Variants in FMN1 observed in about 807,000 individuals in gnomAD.
FMN1 encodes the protein formin-1.
Under a neutral mutation model 132.4 loss-of-function variants are expected in FMN1, and 110 were observed. That is an observed-to-expected ratio of 0.83 (90% CI 0.71 to 0.97). The LOEUF is 0.97. Among genes scored for constraint, FMN1 ranks in the 50% least tolerant of loss-of-function variants. The pLI, the probability that FMN1 is intolerant of heterozygous loss-of-function variation, is 0.00. For missense variants in FMN1, 1,792 were observed against 1,705.3 expected (o/e 1.05, Z -0.90); for synonymous variants, 722 against 651.7 (o/e 1.11, Z -1.64).
At chr15:32,938,436 T>G (rs553570851) in intron 9 of FMN1, among the ~76,000 whole-genome samples, 1 of 152,136 alleles carries the variant, frequency 6.6e-6, no homozygotes, top group Non-Finnish European at 1.5e-5. Flanking sequence ...GGCTGAGGCA[T>G]GAGAATTGCT....
rs1276668599 is a variant in FMN1, at chr15:32,889,221, T to TA, written c.3715-930dup. Among the ~76,000 whole-genome samples the TA allele has an allele frequency of 5.9e-5, 9 of 152,322 alleles. No individual in the cohort carries two copies. The East Asian group carries it at 1.7e-3, about 29-fold the overall frequency. On this transcript the variant is annotated intron_variant, in intron 15 of 20. Transcript: ENST00000616417. ...TTTTAACAAGCTCCACTGCTATAGC[T>TA]AATGGAGAATTCTCAGCTGAGAAAC...
intron 7 of FMN1, 110 bp downstream of exon 7, chr15:33,007,904 C>G (rs189773253): frequency 2.4e-6 from 2 of 845,580 alleles, no homozygotes; most frequent in African/African-American, 3.4e-5. Flanking sequence ...CTGCAAGATG[C>G]GATGCTGTCT....
chr15:33,058,955 TA>T (rs1386278913), intron 6 of FMN1, among the ~76,000 whole-genome samples: 3 of 152,230 alleles, frequency 2.0e-5, no homozygotes, highest in Non-Finnish European at 4.4e-5. Context: ...TTTTTTACTA[TA>T]ATCACACTGC....
chr15:32,790,998 T>A (rs2057056582), intron 19 of FMN1, among the ~76,000 whole-genome samples: 1 of 152,246 alleles, frequency 6.6e-6, no homozygotes, highest in Admixed American at 6.5e-5. Flanking sequence ...GAACCTGGTT[T>A]CTGGAGGCAG....
At position 33,154,838 on chromosome 15, in the gene FMN1, T is replaced by C. The variant is rs1964608079; in HGVS notation, c.77A>G (p.Lys26Arg). Residue 26 changes from lysine to arginine, a missense_variant, in exon 4 of 21, where the codon AAG becomes AGG. Around this residue, in one of 3 missense-constraint regions of FMN1, gnomAD observed 638 missense variants for 645.2 expected, o/e 0.99. Coordinates refer to ENST00000616417, the MANE Select transcript of FMN1 (RefSeq NM_001277313.2). ...ELCYISFCLPKGEVRGFSYKG... is the reference protein window; with the variant it reads ...ELCYISFCLPRGEVRGFSYKG... Reference sequence around the variant, plus strand: ...GTATGAAAATCCTCTGACTTCCCCCTTTGGAAGACAGAAGCTGATGTAGCA... The same window carrying C: ...GTATGAAAATCCTCTGACTTCCCCCCTTGGAAGACAGAAGCTGATGTAGCA... 1.3e-6 allele frequency: 2 copies of C among 1,536,060 alleles called. No homozygotes were observed. Among genetic ancestry groups the C allele is most frequent in the Non-Finnish European group, 1.7e-6 (2 of 1,146,904 alleles).
chr15:33,045,936 G>A (rs1195013628), intron 6 of FMN1, among the ~76,000 whole-genome samples: 3 of 152,178 alleles, frequency 2.0e-5, no homozygotes, highest in African/African-American at 7.2e-5. Flanking sequence ...TGGGATTACA[G>A]GCGTGAGCCA....
At chr15:33,027,214 G>C (rs758015224) in intron 6 of FMN1, among the ~76,000 whole-genome samples, 84 of 152,218 alleles carry the variant, frequency 5.5e-4, no homozygotes, top group Non-Finnish European at 7.5e-4. Flanking sequence ...CAGAAGCCTA[G>C]CCCATACCTC....
At position 32,961,195 on chromosome 15, in the gene FMN1, G is replaced by GCAATCTCAGCTCACTGCAA. The variant is rs796913085; in HGVS notation, c.3138+2893_3138+2911dup. 6.4e-3 allele frequency among the ~76,000 whole-genome samples: 966 copies of GCAATCTCAGCTCACTGCAA among 151,164 alleles called. 19 individuals carry two copies. Among genetic ancestry groups the GCAATCTCAGCTCACTGCAA allele is most frequent in the African/African-American group, 0.022 (922 of 41,130 alleles). On this transcript the variant is annotated intron_variant, in intron 9 of 20. Coordinates refer to ENST00000616417, the MANE Select transcript of FMN1 (RefSeq NM_001277313.2). ...GTTGCCCAGGCTGGGGTGCAATGCG[G>GCAATCTCAGCTCACTGCAA]CAATCTCAGCTCACTGCAACCTCTG...
intron 16 of FMN1, among the ~76,000 whole-genome samples, chr15:32,871,880 T>C (rs2059524103): frequency 6.6e-6 from 1 of 152,218 alleles, no homozygotes; most frequent in Admixed American, 6.5e-5. Context: ...ACATTGGAAG[T>C]GCAAAACTCT....
chr15:33,118,360 AG>A (rs2040008511), intron 4 of FMN1, among the ~76,000 whole-genome samples: 1 of 152,122 alleles, frequency 6.6e-6, no homozygotes, highest in Non-Finnish European at 1.5e-5. Context: ...AAAAATTCTC[AG>A]GGGCATACTA....
chr15:32,852,672 A>T (rs919267301), intron 17 of FMN1, among the ~76,000 whole-genome samples: 3 of 152,092 alleles, frequency 2.0e-5, no homozygotes, highest in East Asian at 3.8e-4. Context: ...CTTGTCCAAT[A>T]TTTTTTTATA....
intron 17 of FMN1, among the ~76,000 whole-genome samples, chr15:32,854,994 G>C (rs1164792392): frequency 2.6e-5 from 4 of 151,376 alleles, no homozygotes; most frequent in Non-Finnish European, 5.9e-5. Flanking sequence ...GATATTCCTT[G>C]GGACAGAGTG....
At chr15:32,842,792 T>C (rs2058773689) in intron 17 of FMN1, among the ~76,000 whole-genome samples, 1 of 151,518 alleles carries the variant, frequency 6.6e-6, no homozygotes, top group African/African-American at 2.4e-5. Context: ...CTCAGCTTTT[T>C]TTTTTTTTTT....
Position 32,956,372 on chromosome 15 carries a change from TA to T in FMN1, c.3138+7734del, listed in dbSNP as rs67741965. Among the ~76,000 whole-genome samples the T allele has an allele frequency of 7.4e-4, 112 of 151,036 alleles. 2 individuals are homozygous for T. The South Asian group carries it at 0.012, about 16-fold the overall frequency. ...AGTCCTAACCACTCTTTTTTTTTTTTAAAAAAATAAGCAAATAAAATAAACG... is the reference window on the plus strand; with the variant it reads ...AGTCCTAACCACTCTTTTTTTTTTTTAAAAAATAAGCAAATAAAATAAACG... On this transcript the variant is annotated intron_variant, in intron 9 of 20. Transcript: ENST00000616417.
Position 32,968,749 on chromosome 15 carries a change from AG to A in FMN1, c.2951del (p.Pro984LeufsTer9). 6.2e-7 allele frequency: 1 copy of A among 1,612,832 alleles called. No homozygotes were observed. On this transcript the variant is annotated frameshift_variant, in exon 8 of 21. Transcript: ENST00000616417. LOFTEE classifies it high-confidence loss of function. The part of the protein sequence containing the change: ...PAIEPSCPMK[P>X]LYWTRIQISD... ...TTATTTGTATCCTAGTCCAATATAA[AG>A]GCTTCATGGGACAACTGGGCTCGAT...
intron 4 of FMN1, among the ~76,000 whole-genome samples, chr15:33,136,582 G>A (rs1963776030): frequency 6.6e-6 from 1 of 152,116 alleles, no homozygotes; most frequent in African/African-American, 2.4e-5. Context: ...ACAGAAGCAA[G>A]GATCGTGGTA....
rs180977164 is a variant in FMN1, at chr15:32,931,039, C to T, written c.3139-4778G>A. Among the ~76,000 whole-genome samples the T allele has an allele frequency of 9.7e-4, 147 of 152,162 alleles. 2 individuals are homozygous for T. Among genetic ancestry groups the T allele is most frequent in the Non-Finnish European group, 6.2e-4 (42 of 67,986 alleles). On this transcript the variant is annotated intron_variant, in intron 9 of 20. Coordinates refer to ENST00000616417, the MANE Select transcript of FMN1 (RefSeq NM_001277313.2). ...TTATTTCTGGGTTCTCTATTCTGTT[C>T]TATTGGCCTATAATGTCTGTCTTTA...
intron 4 of FMN1, among the ~76,000 whole-genome samples, chr15:33,137,751 G>C (rs1963833742): frequency 6.6e-6 from 1 of 152,158 alleles, no homozygotes; most frequent in Non-Finnish European, 1.5e-5. Context: ...GGGAGCATCA[G>C]GTACTGCGGT....
chr15:33,084,177 T>C (rs1351325216), intron 5 of FMN1, among the ~76,000 whole-genome samples: 1 of 152,240 alleles, frequency 6.6e-6, no homozygotes, highest in Non-Finnish European at 1.5e-5. Flanking sequence ...TATTCTTTTA[T>C]TCCTTTACTT....
Sources: gnomAD v4.1 joint callset for allele counts (sites outside exome capture counted in the v4.1 genomes callset) on GRCh38, gnomAD v4.1.1 for gene constraint, gnomAD v4.1.1 regional missense constraint, MANE v1.5 for transcripts, NCBI Gene and HGNC (gene_info 2026-07-23, HGNC 2026-07-21) for gene names.